Variants in SPATA1 observed in about 807,000 individuals in gnomAD.
The protein encoded by SPATA1 is spermatogenesis-associated protein 1.
A neutral mutation model predicts 59.6 loss-of-function variants in SPATA1; 57 were observed. The observed-to-expected ratio is 0.96, with a 90% CI of 0.77 to 1.19. The LOEUF is 1.19. Among genes scored for constraint, SPATA1 ranks in the 50% most tolerant of loss-of-function variants. SPATA1 has a pLI of 0.00. For missense variants in SPATA1, 448 were observed against 480.7 expected, an observed-to-expected ratio of 0.93 and a Z score of 0.64; for synonymous variants, 147 against 163.9, an observed-to-expected ratio of 0.90 and a Z score of 0.79.
intron 12 of SPATA1, chr1:84,550,941 A>G: frequency 2.0e-6 from 2 of 978,856 alleles, no homozygotes; most frequent in Non-Finnish European, 1.2e-6. Context: ...TATGTATTCT[A>G]TTATTTAAAT....
chr1:84,563,831 T>G, intron 4 of SPATA1: 1 of 1,602,390 alleles, frequency 6.2e-7, no homozygotes, highest in Non-Finnish European at 8.5e-7. Context: ...AGTCATTATA[T>G]CCTAGTCAAG....
downstream of SPATA1, chr1:84,554,845 G>A: frequency 6.4e-6 from 4 of 622,670 alleles, no homozygotes; most frequent in Non-Finnish European, 1.1e-5. Context: ...ACATTCGTGT[G>A]TATTTTTCAA....
chr1:84,518,578 G>A (rs1178729926), intron 2 of SPATA1, among the ~76,000 whole-genome samples: 1 of 151,748 alleles, frequency 6.6e-6, no homozygotes, highest in African/African-American at 2.4e-5. Flanking sequence ...TTCCCATTTT[G>A]TAGGTGAAAA....
At chr1:84,515,404 T>C (rs1190157708) in intron 1 of SPATA1, among the ~76,000 whole-genome samples, 1 of 148,194 alleles carries the variant, frequency 6.7e-6, no homozygotes, top group African/African-American at 2.6e-5. Flanking sequence ...TGGTACTTGT[T>C]AGGGTTTTGT....
exon 6 of SPATA1, chr1:84,526,019 C>G: frequency 6.2e-7 from 1 of 1,613,198 alleles, no homozygotes; most frequent in Non-Finnish European, 8.5e-7. Context: ...TGGAAGAGAT[C>G]CCAGTTTGTT....
At chr1:84,524,299 A>G (rs1045731017) in intron 4 of SPATA1, among the ~76,000 whole-genome samples, 2 of 152,192 alleles carry the variant, frequency 1.3e-5, no homozygotes, top group Non-Finnish European at 2.9e-5. Context: ...CATTGACTAC[A>G]TGAAAGGAAA....
intron 1 of SPATA1, among the ~76,000 whole-genome samples, chr1:84,512,137 GTGATTT>G (rs1321647625): frequency 6.6e-6 from 1 of 152,152 alleles, no homozygotes; most frequent in Non-Finnish European, 1.5e-5. Flanking sequence ...TCACGCCTTG[GTGATTT>G]AAGAATCAGG....
intron 6 of SPATA1, among the ~76,000 whole-genome samples, chr1:84,530,413 A>T (rs886519429): frequency 6.6e-6 from 1 of 152,178 alleles, no homozygotes; most frequent in Non-Finnish European, 1.5e-5. Context: ...GAGGGAGAGA[A>T]GTACTATGAA....
In SPATA1 at chr1:84,550,547, C is replaced by T; in HGVS notation, c.1224+17C>T. The T allele has an allele frequency of 6.7e-7, 1 of 1,493,316 alleles. No homozygotes were observed. Among genetic ancestry groups the T allele is most frequent in the South Asian group, 1.4e-5 (1 of 73,540 alleles). 92.5% of individuals were successfully genotyped at this position (1,493,316 alleles called of 1,614,324 possible). ...GAAGTTAAGGTAATTTACATTTTTC[C>T]TAATCAGATTATTATAACATTTATC... On this transcript the variant is annotated intron_variant, in intron 12 of 12. Transcript: ENST00000490879.
chr1:84,532,988 A>G lies in SPATA1; in HGVS notation c.659+14A>G. 6.7e-7 allele frequency: 1 copy of G among 1,497,480 alleles called. No homozygotes were observed. The allele number at this position is 1,497,480 out of a possible 1,614,324, so 92.8% of individuals were successfully genotyped here. ...CACTAAAAAAAGGTAATTAGTATAG[A>G]TGCTGATTCCACATGCCATAATCTA... On this transcript the variant is annotated intron_variant, in intron 7 of 12. Transcript: ENST00000490879.
chr1:84,525,929 C>A, exon 6 of SPATA1: 1 of 1,613,646 alleles, frequency 6.2e-7, no homozygotes, highest in Non-Finnish European at 8.5e-7. Flanking sequence ...TTTAGATGAG[C>A]GGCAGACTAA....
chr1:84,549,053 G>A, intron 11 of SPATA1, 89 bp downstream of exon 11: 1 of 1,266,550 alleles, frequency 7.9e-7, no homozygotes, highest in Non-Finnish European at 1.0e-6. Flanking sequence ...AGATGCATTA[G>A]GCTAACTTTG....
chr1:84,521,897 A>T (rs530023415), intron 3 of SPATA1, among the ~76,000 whole-genome samples: 2 of 152,318 alleles, frequency 1.3e-5, no homozygotes, highest in Admixed American at 6.5e-5. Flanking sequence ...ATGATAGCGT[A>T]AGTGATGGCT....
intron 3 of SPATA1, among the ~76,000 whole-genome samples, chr1:84,521,141 A>G (rs1043754411): frequency 4.6e-5 from 7 of 151,140 alleles, no homozygotes; most frequent in African/African-American, 1.7e-4. Context: ...AAGAGGGAAA[A>G]AGAAAGAGGG....
At chr1:84,531,232 G>A (rs944579029) in intron 6 of SPATA1, among the ~76,000 whole-genome samples, 1 of 151,856 alleles carries the variant, frequency 6.6e-6, no homozygotes, top group East Asian at 1.9e-4. Flanking sequence ...GCACAATCTC[G>A]GCTCACTGCA....
chr1:84,526,821 T>C (rs1683243732), intron 6 of SPATA1, among the ~76,000 whole-genome samples: 2 of 135,284 alleles, frequency 1.5e-5, no homozygotes, highest in African/African-American at 5.7e-5. Context: ...TGAGCTGAGA[T>C]GGCACCATCA....
chr1:84,513,652 T>G (rs1470092375), intron 1 of SPATA1, among the ~76,000 whole-genome samples: 1 of 152,234 alleles, frequency 6.6e-6, no homozygotes, highest in Admixed American at 6.5e-5. Flanking sequence ...TTGATTCCTC[T>G]CTAGTGCTTA....
rs766547958 is a variant in SPATA1, at chr1:84,548,883, C to G, written c.1044C>G (p.Tyr348Ter). ...AACTTCGAGAAGATTTGGAACTCTA[C>G]TATAAAAAACTGCTCATGCAACTTG... Residue 348 changes from tyrosine (Y) to a stop codon, truncating the protein, a stop_gained, in exon 11 of 13, where the codon TAC becomes TAG. Coordinates refer to ENST00000490879, the Ensembl canonical transcript of SPATA1. LOFTEE classifies it high-confidence loss of function. 3 of 1,585,476 alleles carry G rather than the reference C, an allele frequency of 1.9e-6. No individual in the cohort carries two copies. The highest frequency in any genetic ancestry group is 2.6e-6 in the Non-Finnish European group (3 of 1,166,184).
chr1:84,566,045 A>C, exon 5 of SPATA1: 2 of 1,419,346 alleles, frequency 1.4e-6, no homozygotes, highest in Non-Finnish European at 1.9e-6. Flanking sequence ...TTTATGTAAT[A>C]TGATCACGTG....
Sources: allele counts gnomAD v4.1 joint callset (sites outside exome capture counted in the v4.1 genomes callset), GRCh38; gene constraint gnomAD v4.1.1; transcripts MANE v1.5; gene names NCBI Gene and HGNC (gene_info 2026-07-23, HGNC 2026-07-21).